AFF1: variants seen among roughly 807,000 people sequenced by gnomAD.
AFF1 encodes AF4/FMR2 family member 1.
In AFF1, 48 loss-of-function variants were observed where a neutral mutation model predicts 121.7. That is an observed-to-expected ratio of 0.39 (90% CI 0.31 to 0.50). AFF1 has a LOEUF of 0.50. Among genes scored for constraint, AFF1 ranks in the 20% least tolerant of loss-of-function variants. The pLI, the probability that AFF1 is intolerant of heterozygous loss-of-function variation, is 0.76. For missense variants in AFF1, 1,523 were observed against 1,511.7 expected, an observed-to-expected ratio of 1.01 and a Z score of -0.12; for synonymous variants, 613 against 563.0, an observed-to-expected ratio of 1.09 and a Z score of -1.26.
rs1017043605 is a variant in AFF1, at chr4:86,937,439, C to T, written c.-37+2199C>T. 2.0e-4 allele frequency among the ~76,000 whole-genome samples: 31 copies of T among 152,158 alleles called. 1 individual carries two copies. The highest frequency in any genetic ancestry group is 1.6e-3 in the Admixed American group (25 of 15,276). On this transcript the variant is annotated intron_variant, in intron 1 of 20. Coordinates refer to ENST00000395146, the MANE Select transcript of AFF1 (RefSeq NM_001166693.3). ...CTAGCTGTCTCTTCTGTTTCCTCTC[C>T]GGTTTAACTGAATTTTGCAGAGCTG...
intron 2 of AFF1, among the ~76,000 whole-genome samples, chr4:86,958,489 G>A (rs1346031499): frequency 6.6e-6 from 1 of 152,034 alleles, no homozygotes; most frequent in African/African-American, 2.4e-5. Context: ...AGGCCACGGT[G>A]GGTAAATCAC....
intron 2 of AFF1, among the ~76,000 whole-genome samples, chr4:86,982,638 A>G (rs1393572508): frequency 6.6e-6 from 1 of 151,460 alleles, no homozygotes; most frequent in African/African-American, 2.4e-5. Context: ...TGAGGTCAAG[A>G]GTTTGAGCCC....
chr4:86,954,517 T>C (rs557447547), intron 2 of AFF1, among the ~76,000 whole-genome samples: 114 of 152,174 alleles, frequency 7.5e-4, no homozygotes, highest in African/African-American at 2.7e-3. Flanking sequence ...AGTCCAGGAA[T>C]TCATTCGAGA....
At position 87,089,349 on chromosome 4, in the gene AFF1, T is replaced by A. The variant is rs539438863; in HGVS notation, c.1105-635T>A. Among the ~76,000 whole-genome samples the A allele has an allele frequency of 5.9e-5, 9 of 152,302 alleles. No homozygotes were observed. The South Asian group carries it at 1.4e-3, about 25-fold the overall frequency. On this transcript the variant is annotated intron_variant, in intron 5 of 20. Transcript: ENST00000395146. ...TCAAGATACATATATCAATTGTAAG[T>A]TTTAGAAATCTTTCCTTCAACTGAG...
At chr4:87,094,085 C>T (rs780847936) in intron 7 of AFF1, among the ~76,000 whole-genome samples, 1 of 152,086 alleles carries the variant, frequency 6.6e-6, no homozygotes, top group Non-Finnish European at 1.5e-5. Context: ...CAGTGCTGTC[C>T]AGCACAGATT....
intron 2 of AFF1, among the ~76,000 whole-genome samples, chr4:86,969,979 G>A (rs1176850678): frequency 1.4e-5 from 2 of 147,948 alleles, no homozygotes; most frequent in African/African-American, 5.0e-5. Flanking sequence ...TCTTATTTTT[G>A]TGGGTAGGAA....
chr4:87,097,533 G>A (rs1724992802), intron 8 of AFF1, among the ~76,000 whole-genome samples: 1 of 152,166 alleles, frequency 6.6e-6, no homozygotes, highest in Non-Finnish European at 1.5e-5. Flanking sequence ...GACACGTAGT[G>A]TTTGCTTTAT....
At position 87,138,896 on chromosome 4, in the gene AFF1, A is replaced by C. The variant is rs1729509360; in HGVS notation, c.*3195A>C. On this transcript the variant is annotated 3_prime_UTR_variant, in exon 21 of 21. Coordinates refer to ENST00000395146, the MANE Select transcript of AFF1 (RefSeq NM_001166693.3). Reference sequence around the variant, plus strand: ...CCCTTACACAGATTGGACCGCACTTATCTCCCTTGTCCTGTATCCTTTAAT... The same window carrying C: ...CCCTTACACAGATTGGACCGCACTTCTCTCCCTTGTCCTGTATCCTTTAAT... The C allele has an allele frequency of 8.7e-6, 2 of 228,584 alleles. No individual in the cohort carries two copies. Among genetic ancestry groups the C allele is most frequent in the East Asian group, 1.3e-4 (2 of 15,998 alleles). 14.2% of individuals were successfully genotyped at this position (228,584 alleles called of 1,614,324 possible).
chr4:86,937,729 A>T (rs1402789451), intron 1 of AFF1, among the ~76,000 whole-genome samples: 2 of 128,984 alleles, frequency 1.6e-5, no homozygotes, highest in Non-Finnish European at 3.1e-5. Flanking sequence ...TTACAAGCAT[A>T]TGCCACCATG....
At chr4:86,944,743 T>C (rs1720732802) in intron 1 of AFF1, among the ~76,000 whole-genome samples, 1 of 152,248 alleles carries the variant, frequency 6.6e-6, no homozygotes, top group Admixed American at 6.5e-5. Flanking sequence ...AAGCACTTAA[T>C]GACCTAAGTG....
intron 2 of AFF1, among the ~76,000 whole-genome samples, chr4:86,979,222 C>T (rs1723541241): frequency 6.6e-6 from 1 of 152,142 alleles, no homozygotes; most frequent in Admixed American, 6.6e-5. Flanking sequence ...CTCAGCCTCC[C>T]GAGTAGCTGG....
At position 87,131,083 on chromosome 4, in the gene AFF1, A is replaced by G; in HGVS notation, c.2965A>G (p.Thr989Ala). ...KKMKQKAELM[T>A]DRVGKAFKYL... ...CAATGACCATGTTCTTCTCCTGCAG[A>G]CGGACAGGGTTGGAAAGGCTTTTAA... Residue 989 changes from threonine to alanine, a missense_variant and splice_region_variant, in exon 17 of 21, where the codon ACG becomes GCG. By Grantham distance (58) the Thr-to-Ala change is moderately conservative. Coordinates refer to ENST00000395146, the MANE Select transcript of AFF1 (RefSeq NM_001166693.3). 3 of 1,613,974 alleles carry G rather than the reference A, an allele frequency of 1.9e-6. No individual in the cohort carries two copies. In the East Asian group the frequency reaches 6.7e-5, roughly 36 times the overall value.
intron 4 of AFF1, among the ~76,000 whole-genome samples, chr4:87,063,106 T>C (rs1278820158): frequency 6.6e-6 from 1 of 152,148 alleles, no homozygotes; most frequent in Non-Finnish European, 1.5e-5. Context: ...TAAGAAAATG[T>C]ATGTTAAACC....
intron 1 of AFF1, chr4:86,935,891 C>T (rs572107465): frequency 6.6e-6 from 1 of 152,418 alleles, no homozygotes; most frequent in Admixed American, 6.5e-5. Context: ...GGTGTCCCAT[C>T]CTCTGTGGCC....
intron 2 of AFF1, among the ~76,000 whole-genome samples, chr4:87,031,246 A>G (rs1729053446): frequency 6.6e-6 from 1 of 152,122 alleles, no homozygotes; most frequent in African/African-American, 2.4e-5. Flanking sequence ...TCACTCCCCT[A>G]CAAACTTAAG....
intron 4 of AFF1, among the ~76,000 whole-genome samples, chr4:87,080,201 T>C (rs1723034813): frequency 1.3e-5 from 2 of 152,212 alleles, no homozygotes; most frequent in Middle Eastern, 6.8e-3. Context: ...AACCTATTAA[T>C]AGATATCAAG....
At chr4:87,124,561 T>C (rs1728029238) in intron 12 of AFF1, among the ~76,000 whole-genome samples, 2 of 152,242 alleles carry the variant, frequency 1.3e-5, no homozygotes, top group Admixed American at 1.3e-4. Flanking sequence ...AAGTAAGCTT[T>C]AAGTAGTCCA....
chr4:86,966,575 C>T (rs1218455424), intron 2 of AFF1, among the ~76,000 whole-genome samples: 1 of 126,864 alleles, frequency 7.9e-6, no homozygotes, highest in Non-Finnish European at 1.7e-5. Context: ...ATATTTGCTC[C>T]AAGATGGCTC....
intron 2 of AFF1, among the ~76,000 whole-genome samples, chr4:87,009,907 AT>A (rs1356383407): frequency 2.6e-5 from 4 of 152,224 alleles, no homozygotes; most frequent in African/African-American, 9.6e-5. Context: ...CGACAGACTC[AT>A]TGTACTTACA....
Sources: allele counts gnomAD v4.1 joint callset (sites outside exome capture counted in the v4.1 genomes callset), GRCh38; gene constraint gnomAD v4.1.1; transcripts MANE v1.5; gene names NCBI Gene and HGNC (gene_info 2026-07-23, HGNC 2026-07-21).